The following PRORP variants were observed in gnomAD, a reference collection of about 807,000 sequenced individuals.
PRORP encodes protein only RNase P catalytic subunit.
In PRORP, 51 loss-of-function variants were observed where a neutral mutation model predicts 59.4. The ratio of observed to expected loss-of-function variants is 0.86; its 90% CI spans 0.69 to 1.08. The LOEUF is 1.08. Among genes scored for constraint, PRORP ranks in the 50% least tolerant of loss-of-function variants. The pLI is 0.00. For synonymous variants in PRORP, 231 were observed against 245.6 expected (o/e 0.94, Z 0.55); for missense variants, 646 against 690.3 (o/e 0.94, Z 0.72).
At chr14:35,231,659 G>A (rs1339335609) in intron 5 of PRORP, among the ~76,000 whole-genome samples, 1 of 152,122 alleles carries the variant, frequency 6.6e-6, no homozygotes, top group Admixed American at 6.5e-5. Flanking sequence ...GACAGATAGA[G>A]GCGCCAACTC....
At chr14:35,255,636 C>G (rs988948238) in intron 5 of PRORP, among the ~76,000 whole-genome samples, 2 of 152,156 alleles carry the variant, frequency 1.3e-5, no homozygotes, top group Admixed American at 1.3e-4. Flanking sequence ...ACCTCAGCAT[C>G]CCAGGTAGCT....
chr14:35,277,562 A>G lies in PRORP; in HGVS notation c.*3996A>G, dbSNP rs929030792. The G allele has an allele frequency of 3.9e-5, 6 of 152,232 alleles. No homozygotes were observed. Among genetic ancestry groups the G allele is most frequent in the African/African-American group, 1.4e-4 (6 of 41,474 alleles). The allele number at this position is 152,232 out of a possible 1,614,324, so 9.4% of individuals were successfully genotyped here. A position where few individuals can be genotyped will look rare whatever the true frequency, so the allele number is the denominator to read the frequency against. On this transcript the variant is annotated 3_prime_UTR_variant, in exon 8 of 8. Transcript: ENST00000534898. The stretch of plus-strand genomic sequence containing the variant: ...GGAAGCCATAGAAATTAACAGGATG[A>G]AAATACAAGAGACAGGAACACAGAT...
At chr14:35,202,286 C>CA in intron 5 of PRORP, among the ~76,000 whole-genome samples, 1 of 152,018 alleles carries the variant, frequency 6.6e-6, no homozygotes, top group Non-Finnish European at 1.5e-5. Flanking sequence ...AGCTAAAAAA[C>CA]ATGATAATTA....
intron 2 of PRORP, 90 bp from the exon 3 acceptor site, chr14:35,126,645 T>C (rs1012122956): frequency 5.1e-5 from 50 of 985,942 alleles, no homozygotes; most frequent in Non-Finnish European, 7.6e-5. Context: ...TCGGACTTCT[T>C]GCTTATAAGA....
In PRORP at chr14:35,123,238, A is replaced by C. The variant is rs767278272; in HGVS notation, c.-8A>C. 1.9e-6 allele frequency: 3 copies of C among 1,601,706 alleles called. No homozygotes were observed. The highest frequency in any genetic ancestry group is 3.3e-5 in the Admixed American group (2 of 59,722). On this transcript the variant is annotated 5_prime_UTR_variant, in exon 2 of 8. Transcript: ENST00000534898. Reference sequence around the variant, plus strand: ...TCTCTCACTATCTGGTGCTGATCTCACTGCATAATGACTTTCTATTTGTTT... The same window carrying C: ...TCTCTCACTATCTGGTGCTGATCTCCCTGCATAATGACTTTCTATTTGTTT...
At position 35,158,386 on chromosome 14, in the gene PRORP, C is replaced by A. The variant is rs2047972805; in HGVS notation, c.1168-22284C>A. ...CTTTACCAACACCCCAAGGATACTG[C>A]CTTCCCCTAACCCTTTTGCCATTAA... is the stretch of plus-strand genomic sequence containing the variant. On this transcript the variant is annotated intron_variant, in intron 4 of 7. Coordinates refer to ENST00000534898, the MANE Select transcript of PRORP (RefSeq NM_014672.4). 1.3e-5 allele frequency: 4 copies of A among 306,536 alleles called. No homozygotes were observed. The South Asian group carries it at 1.9e-4, about 15-fold the overall frequency. 19.0% of individuals were successfully genotyped at this position (306,536 alleles called of 1,614,324 possible).
chr14:35,197,770 A>G (rs1421541452), intron 5 of PRORP, among the ~76,000 whole-genome samples: 1 of 151,852 alleles, frequency 6.6e-6, no homozygotes, highest in African/African-American at 2.4e-5. Flanking sequence ...GATGGTTATA[A>G]TATATGTGAT....
intron 5 of PRORP, among the ~76,000 whole-genome samples, chr14:35,261,258 G>A (rs1225746164): frequency 2.0e-5 from 3 of 152,102 alleles, no homozygotes; most frequent in African/African-American, 7.2e-5. Context: ...CAGCCAGTTT[G>A]CCATTTTTCC....
At chr14:35,210,926 G>T (rs1226069763) in intron 5 of PRORP, among the ~76,000 whole-genome samples, 2 of 151,452 alleles carry the variant, frequency 1.3e-5, no homozygotes, top group Non-Finnish European at 2.9e-5. Context: ...ACCACACCTG[G>T]CTAGTTTTTT....
intron 5 of PRORP, among the ~76,000 whole-genome samples, chr14:35,199,146 C>G (rs1050404970): frequency 1.3e-5 from 2 of 149,992 alleles, no homozygotes; most frequent in African/African-American, 4.9e-5. Context: ...CCAGCCTGGG[C>G]AACAAGAGTG....
intron 5 of PRORP, chr14:35,235,200 T>C (rs979974510): frequency 1.4e-5 from 10 of 697,374 alleles, no homozygotes; most frequent in East Asian, 3.3e-5. Context: ...GAAAGTTCTT[T>C]AGCCTTTGCC....
At chr14:35,135,158 G>A (rs1049805226) in intron 4 of PRORP, among the ~76,000 whole-genome samples, 17 of 152,220 alleles carry the variant, frequency 1.1e-4, no homozygotes, top group African/African-American at 4.1e-4. Context: ...CTGCTGCAGG[G>A]GGATGGGAGA....
intron 4 of PRORP, among the ~76,000 whole-genome samples, chr14:35,174,422 CG>C (rs1251114742): frequency 6.6e-6 from 1 of 152,042 alleles, no homozygotes; most frequent in Non-Finnish European, 1.5e-5. Context: ...TTATTGACTT[CG>C]TTTATTTTCT....
chr14:35,123,445 A>G lies in PRORP; in HGVS notation c.200A>G (p.Tyr67Cys), dbSNP rs535669172. ...KATNLIAKAR[Y>C]LRKDEGSNKQ... is the part of the protein sequence containing the mutation. ...ACGAATCTGATTGCCAAGGCCAGAT[A>G]TCTCAGGAAAGATGAGGGCAGTAAT... is the stretch of plus-strand genomic sequence containing the variant. The change falls in exon 2 of 8, where the codon TAT (tyrosine) becomes TGT (cysteine). Residue 67 changes from tyrosine to cysteine, a missense_variant. Physicochemically the swap from Tyr to Cys is radical, Grantham distance 194. Transcript: ENST00000534898. 1 of 1,614,216 alleles carries G rather than the reference A, an allele frequency of 6.2e-7. No individual in the cohort carries two copies. Among genetic ancestry groups the G allele is most frequent in the Non-Finnish European group, 8.5e-7 (1 of 1,180,030 alleles).
intron 5 of PRORP, among the ~76,000 whole-genome samples, chr14:35,259,552 T>C (rs569641685): frequency 2.6e-5 from 4 of 152,344 alleles, no homozygotes; most frequent in African/African-American, 9.6e-5. Context: ...TATTGAACTT[T>C]TTTAGAATTC....
intron 4 of PRORP, among the ~76,000 whole-genome samples, chr14:35,156,180 A>G (rs2047908955): frequency 6.6e-6 from 1 of 152,260 alleles, no homozygotes; most frequent in African/African-American, 2.4e-5. Context: ...AAAGGGAAAT[A>G]TGAACCTGAG....
intron 5 of PRORP, among the ~76,000 whole-genome samples, chr14:35,236,534 T>C (rs150121921): frequency 0.011 from 1,620 of 152,316 alleles, 31 homozygotes; most frequent in African/African-American, 0.036. Context: ...AACTTCCTAA[T>C]TGCCAGTTTT....
intron 5 of PRORP, among the ~76,000 whole-genome samples, chr14:35,218,726 A>G (rs2049688258): frequency 6.6e-6 from 1 of 151,644 alleles, no homozygotes. Context: ...GGGTTTCACC[A>G]TGTTGACCAG....
chr14:35,164,166 A>C lies in PRORP; in HGVS notation c.1168-16504A>C, dbSNP rs183683102. On this transcript the variant is annotated intron_variant, in intron 4 of 7. Transcript: ENST00000534898. The stretch of plus-strand genomic sequence containing the variant: ...GTACCAGTATGAGGCTGCAGAGAAA[A>C]GGGAATGCTTATACACTGTTGATGG... 3.3e-5 allele frequency among the ~76,000 whole-genome samples: 5 copies of C among 152,298 alleles called. No homozygotes were observed. In the East Asian group the frequency reaches 9.6e-4, roughly 29 times the overall value.
Sources: gnomAD v4.1 joint callset for allele counts (sites outside exome capture counted in the v4.1 genomes callset) on GRCh38, gnomAD v4.1.1 for gene constraint, MANE v1.5 for transcripts, NCBI Gene and HGNC (gene_info 2026-07-23, HGNC 2026-07-21) for gene names.